The following SLC4A10 variants were observed in gnomAD, a reference collection of about 807,000 sequenced individuals.
SLC4A10 encodes the protein solute carrier family 4 member 10.
A neutral mutation model predicts 137.7 loss-of-function variants in SLC4A10; 42 were observed. The ratio of observed to expected loss-of-function variants is 0.30; its 90% CI spans 0.24 to 0.39. The LOEUF is 0.39. Among genes scored for constraint, SLC4A10 ranks in the 10% least tolerant of loss-of-function variants. The probability of loss-of-function intolerance (pLI) is 1.00; values close to 1 mark genes in which losing one functional copy is unlikely to be tolerated. For missense variants in SLC4A10, 925 were observed against 1,355.0 expected (o/e 0.68, Z 4.98); for synonymous variants, 474 against 464.1 (o/e 1.02, Z -0.27).
chr2:161,923,938 C>T (rs1359920671), intron 15 of SLC4A10, among the ~76,000 whole-genome samples: 2 of 152,110 alleles, frequency 1.3e-5, no homozygotes, highest in Admixed American at 6.6e-5. Context: ...CAAGGTTGCT[C>T]AGCTAAATGC....
intron 23 of SLC4A10, among the ~76,000 whole-genome samples, chr2:161,966,745 A>G (rs528394308): frequency 1.6e-3 from 237 of 152,026 alleles, no homozygotes; most frequent in Admixed American, 2.6e-3. Context: ...CAAAAAAAAA[A>G]AAAACAAAAA....
chr2:161,683,532 T>C lies in SLC4A10; in HGVS notation c.48+58966T>C, dbSNP rs73020069. 6.6e-3 allele frequency among the ~76,000 whole-genome samples: 1,009 copies of C among 152,298 alleles called. 10 individuals are homozygous for C. The highest frequency in any genetic ancestry group is 0.023 in the African/African-American group (961 of 41,564). ...TAAAGAAAAGCTTATAGGCTTTTAT[T>C]AGCATTCCTTGAAGTTGCAGATGGC... On this transcript the variant is annotated intron_variant, in intron 1 of 26. Transcript: ENST00000446997.
chr2:161,945,182 GTATATATATATATATATATATATATA>G (rs56159201), intron 16 of SLC4A10, among the ~76,000 whole-genome samples: 2,475 of 88,876 alleles, frequency 0.028, 120 homozygotes, highest in African/African-American at 0.074. Flanking sequence ...AAGTTTGTGT[GTATATATATATATATATATATATATA>G]TATATATATA....
intron 12 of SLC4A10, among the ~76,000 whole-genome samples, chr2:161,903,493 C>T (rs963011527): frequency 2.0e-5 from 3 of 152,052 alleles, no homozygotes; most frequent in African/African-American, 7.2e-5. Context: ...TGTTTTTTGG[C>T]CGAGAGAGTA....
At chr2:161,803,831 A>C (rs2055631432) in intron 2 of SLC4A10, among the ~76,000 whole-genome samples, 1 of 152,156 alleles carries the variant, frequency 6.6e-6, no homozygotes, top group Non-Finnish European at 1.5e-5. Flanking sequence ...ACCTATGATA[A>C]AATTTAATTT....
chr2:161,651,488 G>A (rs2036787670), intron 1 of SLC4A10, among the ~76,000 whole-genome samples: 1 of 152,210 alleles, frequency 6.6e-6, no homozygotes, highest in Non-Finnish European at 1.5e-5. Flanking sequence ...CATGTTGCAA[G>A]TGACAAGAAG....
chr2:161,977,309 C>T (rs1276323689), intron 25 of SLC4A10: 2 of 450,698 alleles, frequency 4.4e-6, no homozygotes, highest in Admixed American at 2.4e-5. Flanking sequence ...AGTTCTAGTC[C>T]TGACTCCAAC....
rs115782782 is a variant in SLC4A10, at chr2:161,642,124, G to T, written c.48+17558G>T. On this transcript the variant is annotated intron_variant, in intron 1 of 26. Coordinates refer to ENST00000446997, the MANE Select transcript of SLC4A10 (RefSeq NM_001178015.2). Reference sequence around the variant, plus strand: ...CACATTTGCCCCATCTATTCAGATGGTAGCATGGCCTGGTATAGAACTAAA... The same window carrying T: ...CACATTTGCCCCATCTATTCAGATGTTAGCATGGCCTGGTATAGAACTAAA... Among the ~76,000 whole-genome samples, 1,020 of 151,982 alleles carry T rather than the reference G, an allele frequency of 6.7e-3. 7 individuals carry two copies. Among genetic ancestry groups the T allele is most frequent in the African/African-American group, 0.023 (966 of 41,508 alleles).
At chr2:161,923,485 A>G (rs12328761) in intron 15 of SLC4A10, among the ~76,000 whole-genome samples, 50,094 of 152,046 alleles carry the variant, frequency 0.33, 8,615 homozygotes, top group Admixed American at 0.41. Flanking sequence ...ACTTTTATGT[A>G]TATTAATTCA....
chr2:161,846,125 C>A (rs2059477602), intron 4 of SLC4A10, among the ~76,000 whole-genome samples: 1 of 151,912 alleles, frequency 6.6e-6, no homozygotes, highest in African/African-American at 2.4e-5. Flanking sequence ...CAAAGTTCAA[C>A]AGTATGAAAA....
chr2:161,830,905 G>A (rs1045886826), intron 3 of SLC4A10, among the ~76,000 whole-genome samples: 1 of 152,086 alleles, frequency 6.6e-6, no homozygotes, highest in Non-Finnish European at 1.5e-5. Flanking sequence ...GATAGCAGGG[G>A]CCTGATTTGT....
intron 5 of SLC4A10, among the ~76,000 whole-genome samples, chr2:161,860,054 A>G (rs578174777): frequency 5.3e-5 from 8 of 152,354 alleles, no homozygotes; most frequent in Admixed American, 3.3e-4. Context: ...TAGTGGTGAA[A>G]AGAACAATGT....
At chr2:161,793,588 ATC>A (rs1274243275) in intron 2 of SLC4A10, among the ~76,000 whole-genome samples, 2 of 152,274 alleles carry the variant, frequency 1.3e-5, no homozygotes, top group African/African-American at 4.8e-5. Flanking sequence ...GTGAAAAAAT[ATC>A]TGTTTTCTTT....
rs183933243 is a variant in SLC4A10, at chr2:161,904,418, G to A, written c.1617+240G>A. On this transcript the variant is annotated intron_variant, in intron 13 of 26. Transcript: ENST00000446997. ...GTTCTCATCTGATGCCTTGCCCTCAGCGCCCCCAATCCTAAGCTAGGTTTA... is the reference window on the plus strand; with the variant it reads ...GTTCTCATCTGATGCCTTGCCCTCAACGCCCCCAATCCTAAGCTAGGTTTA... Among the ~76,000 whole-genome samples the A allele has an allele frequency of 4.0e-4, 61 of 152,178 alleles. 1 individual carries two copies. In the East Asian group the frequency reaches 9.3e-3, roughly 23 times the overall value.
intron 15 of SLC4A10, among the ~76,000 whole-genome samples, chr2:161,940,086 G>T (rs1288243297): frequency 1.3e-5 from 2 of 152,124 alleles, no homozygotes; most frequent in Admixed American, 6.5e-5. Context: ...TTTCTTAAGG[G>T]TATACAGCAA....
chr2:161,893,900 A>G (rs2063179070), intron 10 of SLC4A10, among the ~76,000 whole-genome samples: 1 of 152,076 alleles, frequency 6.6e-6, no homozygotes, highest in African/African-American at 2.4e-5. Context: ...CATTGAAAAT[A>G]TCATAAGTGG....
At chr2:161,933,151 C>A (rs1396027890) in intron 15 of SLC4A10, among the ~76,000 whole-genome samples, 3 of 106,528 alleles carry the variant, frequency 2.8e-5, no homozygotes, top group Non-Finnish European at 6.1e-5. Flanking sequence ...TTTCTTCTTT[C>A]TTTCCTCTTT....
intron 1 of SLC4A10, among the ~76,000 whole-genome samples, chr2:161,646,082 T>C (rs778356536): frequency 2.6e-5 from 4 of 152,072 alleles, no homozygotes; most frequent in Non-Finnish European, 5.9e-5. Flanking sequence ...ATTTATCTAT[T>C]GCACCAAAGG....
chr2:161,733,247 A>G (rs1172207496), intron 1 of SLC4A10, among the ~76,000 whole-genome samples: 1 of 152,100 alleles, frequency 6.6e-6, no homozygotes, highest in African/African-American at 2.4e-5. Context: ...GCCTAGGAGG[A>G]AAAAGTGGTT....
Sources: allele counts gnomAD v4.1 joint callset (sites outside exome capture counted in the v4.1 genomes callset), GRCh38; gene constraint gnomAD v4.1.1; transcripts MANE v1.5; gene names NCBI Gene and HGNC (gene_info 2026-07-23, HGNC 2026-07-21).